Variants in PCLO observed in about 807,000 individuals in gnomAD.
The protein encoded by PCLO is piccolo presynaptic cytomatrix protein.
Under a neutral mutation model 427.5 loss-of-function variants are expected in PCLO, and 82 were observed. The ratio of observed to expected loss-of-function variants is 0.19; its 90% CI spans 0.16 to 0.23. The LOEUF (loss-of-function observed/expected upper bound fraction) is 0.23, where lower values mean the gene tolerates loss of function less well. PCLO is among the 10% of genes least tolerant of loss of function. The probability of loss-of-function intolerance (pLI) is 1.00; values close to 1 mark genes in which losing one functional copy is unlikely to be tolerated. For synonymous variants in PCLO, 2,357 were observed against 2,155.4 expected, an observed-to-expected ratio of 1.09 and a Z score of -2.59; for missense variants, 6,239 against 6,115.9, an observed-to-expected ratio of 1.02 and a Z score of -0.67.
intron 22 of PCLO, among the ~76,000 whole-genome samples, chr7:82,765,042 T>A (rs1181872564): frequency 6.6e-6 from 1 of 151,898 alleles, no homozygotes; most frequent in Non-Finnish European, 1.5e-5. Context: ...AAGACATTAG[T>A]GGGTTCTATA....
At position 82,953,576 on chromosome 7, in the gene PCLO, A is replaced by T; in HGVS notation, c.7377T>A (p.Val2459=). ...VTTATPLFDA[V]TTLETTAVLR... is the part of the protein sequence containing the mutation. ...GAACAGCTGTGGTCTCTAGAGTAGT[A>T]ACAGCATCAAACAGAGGTGTAGCTG... Residue 2459 remains valine, a synonymous_variant, in exon 5 of 25, where the codon GTT becomes GTA. Transcript: ENST00000333891. 6.2e-7 allele frequency: 1 copy of T among 1,612,486 alleles called. No individual in the cohort carries two copies. Among genetic ancestry groups the T allele is most frequent in the Non-Finnish European group, 8.5e-7 (1 of 1,178,970 alleles).
chr7:82,761,337 T>G, intron 23 of PCLO, 22 bp downstream of exon 23: 1 of 1,308,198 alleles, frequency 7.6e-7, no homozygotes, highest in African/African-American at 1.5e-5. Flanking sequence ...GATATATTGA[T>G]GATTATAATA....
chr7:83,134,963 T>C lies in PCLO; in HGVS notation c.2587A>G (p.Ser863Gly). The change falls in exon 3 of 25, where the codon AGT becomes GGT. Residue 863 changes from serine to glycine, a missense_variant. By Grantham distance (56) the Ser-to-Gly change is moderately conservative. Around this residue, in one of 5 missense-constraint regions of PCLO, gnomAD observed 4,677 missense variants for 4,468.4 expected, o/e 1.05. Coordinates refer to ENST00000333891, the MANE Select transcript of PCLO (RefSeq NM_033026.6). ...EEPKKAQTKM[S>G]PKPDAKPMPK... ...ATTGGCTTGGCATCTGGTTTAGGAC[T>C]CATTTTGGTTTGTGCTTTCTTGGGT... is the stretch of plus-strand genomic sequence containing the variant. 3 of 1,612,116 alleles carry C rather than the reference T, an allele frequency of 1.9e-6. No homozygotes were observed. The highest frequency in any genetic ancestry group is 2.5e-6 in the Non-Finnish European group (3 of 1,179,218).
chr7:83,102,092 G>C (rs1362396661), intron 3 of PCLO, among the ~76,000 whole-genome samples: 1 of 150,426 alleles, frequency 6.6e-6, no homozygotes, highest in Non-Finnish European at 1.5e-5. Flanking sequence ...TTCAGCATGG[G>C]CAAGAATAAA....
chr7:82,901,790 C>G (rs537471490), intron 9 of PCLO, among the ~76,000 whole-genome samples: 40 of 152,086 alleles, frequency 2.6e-4, no homozygotes, highest in Middle Eastern at 3.4e-3. Flanking sequence ...CTTCTCAAAA[C>G]AAGACATTTA....
At position 83,125,392 on chromosome 7, in the gene PCLO, C is replaced by T. The variant is rs112436195; in HGVS notation, c.3300+8858G>A. The stretch of plus-strand genomic sequence containing the variant: ...GCCACCACCCCATCTGGGAGGTGGA[C>T]CCAACAGCTCATTGAGAACGGGCCA... On this transcript the variant is annotated intron_variant, in intron 3 of 24. Coordinates refer to ENST00000333891, the MANE Select transcript of PCLO (RefSeq NM_033026.6). 5.4e-4 allele frequency among the ~76,000 whole-genome samples: 82 copies of T among 152,282 alleles called. 1 individual carries two copies. The highest frequency in any genetic ancestry group is 3.4e-3 in the Middle Eastern group (1 of 294).
At chr7:82,948,012 T>C (rs532637008) in intron 6 of PCLO, among the ~76,000 whole-genome samples, 1 of 152,288 alleles carries the variant, frequency 6.6e-6, no homozygotes, top group African/African-American at 2.4e-5. Flanking sequence ...ACTATTACTT[T>C]GAAAATACTG....
intron 10 of PCLO, among the ~76,000 whole-genome samples, chr7:82,847,546 A>ATGTTT (rs1351154707): frequency 6.6e-6 from 1 of 152,166 alleles, no homozygotes; most frequent in Non-Finnish European, 1.5e-5. Context: ...ATTATTGAAT[A>ATGTTT]TATATTGCTC....
Position 82,955,998 on chromosome 7 carries a change from T to C in PCLO, c.4955A>G (p.Glu1652Gly). The change falls in exon 5 of 25, where the codon GAA becomes GGA. Residue 1652 changes from glutamate to glycine, a missense_variant. Glu to Gly is a moderately conservative substitution (Grantham distance 98, BLOSUM62 -2). Around this residue, in one of 5 missense-constraint regions of PCLO, gnomAD observed 4,677 missense variants for 4,468.4 expected, o/e 1.05. Transcript: ENST00000333891. ...ELKYRETKSQ[E>G]SEELVVTGGG... ...TCCAGTAACTACAAGTTCTTCACTT[T>C]CCTGACTTTTAGTTTCTCTGTATTT... 1 of 1,613,516 alleles carries C rather than the reference T, an allele frequency of 6.2e-7. No homozygotes were observed. Among genetic ancestry groups the C allele is most frequent in the Non-Finnish European group, 8.5e-7 (1 of 1,179,862 alleles).
chr7:83,137,698 T>C (rs1791763887), intron 2 of PCLO, among the ~76,000 whole-genome samples: 1 of 151,904 alleles, frequency 6.6e-6, no homozygotes, highest in Non-Finnish European at 1.5e-5. Flanking sequence ...CCCAAAGTGC[T>C]GGGATTACAC....
In PCLO at chr7:82,879,477, T is replaced by C. The variant is rs761628437; in HGVS notation, c.13529-15A>G. ...TAATCCATTACCTGTATTAAACAAT[T>C]AGCAAATTATTAGTACTAATTTAAG... On this transcript the variant is annotated splice_polypyrimidine_tract_variant and intron_variant, in intron 9 of 24. Coordinates refer to ENST00000333891, the MANE Select transcript of PCLO (RefSeq NM_033026.6). 55 of 1,555,790 alleles carry C rather than the reference T, an allele frequency of 3.5e-5. No homozygotes were observed. The highest frequency in any genetic ancestry group is 4.6e-5 in the Non-Finnish European group (52 of 1,138,624).
chr7:82,929,812 CA>C (rs1794799271), intron 6 of PCLO, among the ~76,000 whole-genome samples: 1 of 152,072 alleles, frequency 6.6e-6, no homozygotes, highest in South Asian at 2.1e-4. Context: ...TTAGGATTAG[CA>C]AATTCTAATT....
chr7:82,955,995 C>T lies in PCLO; in HGVS notation c.4958G>A (p.Ser1653Asn). 6.2e-7 allele frequency: 1 copy of T among 1,613,436 alleles called. No individual in the cohort carries two copies. The stretch of plus-strand genomic sequence containing the variant: ...TCCTCCAGTAACTACAAGTTCTTCA[C>T]TTTCCTGACTTTTAGTTTCTCTGTA... ...LKYRETKSQE[S>N]EELVVTGGGG... Residue 1653 changes from serine to asparagine, a missense_variant, in exon 5 of 25, where the codon AGT (serine) becomes AAT (asparagine). This residue lies in a region of PCLO where 4,677 missense variants were observed against 4,468.4 expected (regional missense o/e 1.05). Coordinates refer to ENST00000333891, the MANE Select transcript of PCLO (RefSeq NM_033026.6).
chr7:82,988,011 A>G (rs1796292872), intron 3 of PCLO, among the ~76,000 whole-genome samples: 1 of 152,162 alleles, frequency 6.6e-6, no homozygotes, highest in Admixed American at 6.6e-5. Context: ...TTAGATTATT[A>G]TAACTAAACA....
rs529068624 is a variant in PCLO, at chr7:83,066,012, G to A, written c.3300+68238C>T. On this transcript the variant is annotated intron_variant, in intron 3 of 24. Coordinates refer to ENST00000333891, the MANE Select transcript of PCLO (RefSeq NM_033026.6). ...CTGCTGTATTCATCCATGTTTCTGG[G>A]ACAGGACTAGTAAAGGGAATGTTGC... Among the ~76,000 whole-genome samples, 103 of 152,184 alleles carry A rather than the reference G, an allele frequency of 6.8e-4. 5 individuals are homozygous for A. The South Asian group carries it at 0.021, about 31-fold the overall frequency.
Position 82,827,893 on chromosome 7 carries a change from T to C in PCLO, c.14323A>G (p.Lys4775Glu). The change falls in exon 17 of 25, where the codon AAA (lysine) becomes GAA (glutamate). Residue 4775 changes from lysine to glutamate, a missense_variant. Around this residue, in one of 5 missense-constraint regions of PCLO, gnomAD observed 877 missense variants for 925.5 expected, o/e 0.95. Coordinates refer to ENST00000333891, the MANE Select transcript of PCLO (RefSeq NM_033026.6). ...CATACCTGTTCCATGGAAATACTTT[T>C]ATAAATTACTGTTTGATTCCACTCA... Reference protein sequence around the residue: ...NPEWNQTVIYKSISMEQLKKK... With the variant: ...NPEWNQTVIYESISMEQLKKK... The C allele has an allele frequency of 6.3e-7, 1 of 1,585,904 alleles. No individual in the cohort carries two copies. The highest frequency in any genetic ancestry group is 8.6e-7 in the Non-Finnish European group (1 of 1,156,300).
intron 9 of PCLO, among the ~76,000 whole-genome samples, chr7:82,901,067 C>A (rs1013341188): frequency 2.0e-5 from 3 of 151,738 alleles, no homozygotes; most frequent in Non-Finnish European, 1.5e-5. Flanking sequence ...ATTCCTACAA[C>A]CAGTGACTGT....
At chr7:83,160,103 C>T (rs4361713) in intron 1 of PCLO, among the ~76,000 whole-genome samples, 97,705 of 151,954 alleles carry the variant, frequency 0.64, 31,799 homozygotes, top group Middle Eastern at 0.77. Context: ...CCACTCTTTA[C>T]ATTTGTAGGG....
At chr7:82,810,495 G>A (rs1316084471) in intron 20 of PCLO, among the ~76,000 whole-genome samples, 2 of 151,354 alleles carry the variant, frequency 1.3e-5, no homozygotes, top group Non-Finnish European at 3.0e-5. Flanking sequence ...ATAAATATAT[G>A]ATAGAATCAG....
Sources: allele counts gnomAD v4.1 joint callset (sites outside exome capture counted in the v4.1 genomes callset), GRCh38; gene constraint gnomAD v4.1.1; regional missense constraint gnomAD v4.1.1; transcripts MANE v1.5; gene names NCBI Gene and HGNC (gene_info 2026-07-23, HGNC 2026-07-21).